ABHD18: variants seen among roughly 807,000 people sequenced by gnomAD.
ABHD18 encodes the protein cardiolipin-specific deacylase, mitochondrial.
In ABHD18, 55 loss-of-function variants were observed where a neutral mutation model predicts 65.9. The observed-to-expected ratio is 0.84, with a 90% CI of 0.67 to 1.05. The LOEUF is 1.05. ABHD18 is among the 50% of genes least tolerant of loss of function. The pLI, the probability that ABHD18 is intolerant of heterozygous loss-of-function variation, is 0.00. For synonymous variants in ABHD18, 181 were observed against 180.2 expected (o/e 1.00, Z -0.04); for missense variants, 533 against 558.5 (o/e 0.95, Z 0.46).
chr4:127,975,230 T>C (rs1397095002), intron 1 of ABHD18, among the ~76,000 whole-genome samples: 1 of 152,158 alleles, frequency 6.6e-6, no homozygotes, highest in Non-Finnish European at 1.5e-5. Context: ...GTTGCGCAAC[T>C]GTATCACCAC....
intron 1 of ABHD18, among the ~76,000 whole-genome samples, chr4:127,968,335 C>T (rs971468708): frequency 2.6e-5 from 4 of 152,226 alleles, no homozygotes; most frequent in African/African-American, 9.6e-5. Flanking sequence ...TCTGAGGTAT[C>T]TAAACCCTTT....
chr4:128,028,821 T>C lies in ABHD18; in HGVS notation c.1148T>C (p.Met383Thr), dbSNP rs749208645. 1.1e-5 allele frequency: 17 copies of C among 1,588,206 alleles called. No individual in the cohort carries two copies. The highest frequency in any genetic ancestry group is 3.8e-5 in the Admixed American group (2 of 53,022). Residue 383 changes from methionine to threonine, a missense_variant, in exon 11 of 13, where the codon ATG becomes ACG. Met to Thr is a moderately conservative substitution (Grantham distance 81). Around this residue, in one of 3 missense-constraint regions of ABHD18, gnomAD observed 220 missense variants for 226.8 expected, o/e 0.97. Coordinates refer to ENST00000645843, the MANE Select transcript of ABHD18 (RefSeq NM_001358451.3). Reference protein sequence around the residue: ...KESLIFMKGVMDECTHVANFS... With the variant: ...KESLIFMKGVTDECTHVANFS... ...TCTTTAATATTTATGAAAGGAGTCA[T>C]GGATGAATGTACTCATGTAGCAAAT...
chr4:128,003,777 T>G (rs1464444411), intron 4 of ABHD18, among the ~76,000 whole-genome samples: 1 of 151,892 alleles, frequency 6.6e-6, no homozygotes, highest in Non-Finnish European at 1.5e-5. Flanking sequence ...GACAGCAGTC[T>G]CTACTGAAAA....
rs115845954 is a variant in ABHD18, at chr4:127,980,220, G to C, written c.-17-2719G>C. On this transcript the variant is annotated intron_variant, in intron 1 of 12. Coordinates refer to ENST00000645843, the MANE Select transcript of ABHD18 (RefSeq NM_001358451.3). The stretch of plus-strand genomic sequence containing the variant: ...TTTGGAAGTGAATTAGTTATCTGGA[G>C]AGTGGGCTTGCTCTAAAAGTGAGTT... 2.9e-3 allele frequency among the ~76,000 whole-genome samples: 444 copies of C among 152,266 alleles called. 3 individuals carry two copies. Among genetic ancestry groups the C allele is most frequent in the African/African-American group, 0.01 (421 of 41,558 alleles).
intron 4 of ABHD18, among the ~76,000 whole-genome samples, chr4:127,996,365 G>T (rs112747097): frequency 1.3e-5 from 2 of 152,098 alleles, no homozygotes; most frequent in Non-Finnish European, 2.9e-5. Context: ...GCCTCCAGGG[G>T]TGTCATCACA....
intron 4 of ABHD18, among the ~76,000 whole-genome samples, chr4:127,991,633 A>G (rs1330485249): frequency 1.3e-5 from 2 of 152,200 alleles, no homozygotes; most frequent in Admixed American, 1.3e-4. Flanking sequence ...AGAACAAACT[A>G]CTGTACTTTT....
intron 3 of ABHD18, among the ~76,000 whole-genome samples, chr4:127,989,014 G>A (rs909413378): frequency 1.3e-5 from 2 of 152,112 alleles, no homozygotes; most frequent in African/African-American, 4.8e-5. Flanking sequence ...GCCAAGATGC[G>A]GAATCAACCT....
chr4:127,971,641 C>T (rs1746832320), intron 1 of ABHD18, among the ~76,000 whole-genome samples: 2 of 151,782 alleles, frequency 1.3e-5, no homozygotes, highest in South Asian at 4.2e-4. Context: ...CAGGCACCCG[C>T]CACCACGCCC....
chr4:127,972,823 T>C (rs1747104207), intron 1 of ABHD18, among the ~76,000 whole-genome samples: 1 of 152,158 alleles, frequency 6.6e-6, no homozygotes, highest in Non-Finnish European at 1.5e-5. Flanking sequence ...AGAAAATATA[T>C]AATTAAGACG....
At chr4:127,993,093 T>A (rs1325771216) in intron 4 of ABHD18, among the ~76,000 whole-genome samples, 1 of 152,094 alleles carries the variant, frequency 6.6e-6, no homozygotes, top group Non-Finnish European at 1.5e-5. Context: ...ATTTTTTTTT[T>A]AAAGCATAAG....
chr4:127,995,543 A>ATTAAAT (rs557795217), intron 4 of ABHD18, among the ~76,000 whole-genome samples: 98 of 152,314 alleles, frequency 6.4e-4, no homozygotes, highest in African/African-American at 1.3e-3. Flanking sequence ...AAACTTTAAA[A>ATTAAAT]TTAAATTTTA....
At chr4:127,981,642 G>A (rs80047005) in intron 1 of ABHD18, among the ~76,000 whole-genome samples, 1 of 152,100 alleles carries the variant, frequency 6.6e-6, no homozygotes, top group African/African-American at 2.4e-5. Context: ...CTCAACACTG[G>A]ATGGATGATA....
At chr4:127,983,541 T>C (rs1284946689) in intron 2 of ABHD18, among the ~76,000 whole-genome samples, 1 of 152,054 alleles carries the variant, frequency 6.6e-6, no homozygotes, top group African/African-American at 2.4e-5. Flanking sequence ...CGGATCAGCC[T>C]GGCCAAGATG....
intron 12 of ABHD18, among the ~76,000 whole-genome samples, chr4:128,034,301 G>T (rs1036855156): frequency 2.6e-5 from 4 of 152,114 alleles, no homozygotes; most frequent in African/African-American, 9.7e-5. Context: ...ATATGAAAAG[G>T]TTAACAGTAG....
intron 2 of ABHD18, 117 bp downstream of exon 2, chr4:127,983,164 C>A: frequency 1.6e-6 from 1 of 643,478 alleles, no homozygotes; most frequent in Non-Finnish European, 2.6e-6. Flanking sequence ...GCAAATTAAA[C>A]TATGTAAAAT....
At chr4:127,977,225 C>A (rs1429267864) in intron 1 of ABHD18, among the ~76,000 whole-genome samples, 3 of 152,000 alleles carry the variant, frequency 2.0e-5, no homozygotes, top group Non-Finnish European at 4.4e-5. Flanking sequence ...GTAATCCCAG[C>A]CCTTTGGGAG....
intron 5 of ABHD18, 32 bp downstream of exon 5, chr4:128,009,030 G>C (rs376404847): frequency 1.5e-5 from 24 of 1,591,108 alleles, no homozygotes; most frequent in African/African-American, 1.4e-5. Context: ...TTAATCTCTA[G>C]ATAATTTGTT....
rs77204324 is a variant in ABHD18 at position 128,030,744 on chromosome 4, G to A, written c.1343+72G>A. The A allele has an allele frequency of 2.1e-3, 3,263 of 1,518,464 alleles. 76 individuals carry two copies. The African/African-American group carries it at 0.042, about 20-fold the overall frequency. 94.1% of individuals were successfully genotyped at this position (1,518,464 alleles called of 1,614,324 possible). On this transcript the variant is annotated intron_variant, in intron 12 of 12. Coordinates refer to ENST00000645843, the MANE Select transcript of ABHD18 (RefSeq NM_001358451.3). ...TTCTGGATTTTTTGCTTCAACAAAT[G>A]TAAAAGATCACATATTTTTATAGTC... is the stretch of plus-strand genomic sequence containing the variant.
intron 1 of ABHD18, among the ~76,000 whole-genome samples, chr4:127,976,308 A>G (rs1747911183): frequency 6.6e-6 from 1 of 152,152 alleles, no homozygotes; most frequent in African/African-American, 2.4e-5. Flanking sequence ...ATTTGTACCC[A>G]ATTTCATTAT....
Sources: gnomAD v4.1 joint callset for allele counts (sites outside exome capture counted in the v4.1 genomes callset) on GRCh38, gnomAD v4.1.1 for gene constraint, gnomAD v4.1.1 regional missense constraint, MANE v1.5 for transcripts, NCBI Gene and HGNC (gene_info 2026-07-23, HGNC 2026-07-21) for gene names.